RASA3: variants seen among roughly 807,000 people sequenced by gnomAD.
RASA3 encodes the protein RAS p21 protein activator 3, also known as ras GTPase-activating protein 3.
In RASA3, 73 loss-of-function variants were observed where a neutral mutation model predicts 110.0. That is an observed-to-expected ratio of 0.66 (90% confidence interval 0.55 to 0.81). The LOEUF (loss-of-function observed/expected upper bound fraction) is 0.81. Ranked by LOEUF, RASA3 falls within the 30% of genes least tolerant of loss-of-function variation. The pLI, the probability that RASA3 is intolerant of heterozygous loss-of-function variation, is 0.00. For synonymous variants in RASA3, 500 were observed against 451.4 expected (o/e 1.11, Z -1.37); for missense variants, 976 against 1,113.2 (o/e 0.88, Z 1.75).
At chr13:114,099,412 G>C (rs995985667) in intron 1 of RASA3, among the ~76,000 whole-genome samples, 5 of 151,866 alleles carry the variant, frequency 3.3e-5, no homozygotes, top group Non-Finnish European at 5.9e-5. Context: ...GTGCTGGGTC[G>C]GGGAGGGAGG....
chr13:114,045,194 A>C (rs1446138702), intron 3 of RASA3, among the ~76,000 whole-genome samples: 1 of 152,198 alleles, frequency 6.6e-6, no homozygotes, highest in Non-Finnish European at 1.5e-5. Context: ...GCCTGATCTA[A>C]AAGCCACGGC....
intron 4 of RASA3, among the ~76,000 whole-genome samples, chr13:114,039,586 T>C (rs893190407): frequency 3.9e-5 from 6 of 152,208 alleles, no homozygotes; most frequent in Non-Finnish European, 5.9e-5. Context: ...CCACGGTGCC[T>C]CTTGCTTGTG....
intron 18 of RASA3, among the ~76,000 whole-genome samples, chr13:114,002,133 G>A (rs1181391298): frequency 1.3e-5 from 2 of 152,254 alleles, no homozygotes; most frequent in African/African-American, 2.4e-5. Flanking sequence ...AGTGACTGGA[G>A]GACAGAGGTG....
intron 15 of RASA3, 59 bp downstream of exon 15, chr13:114,013,083 A>G: frequency 6.8e-7 from 1 of 1,474,600 alleles, no homozygotes; most frequent in Middle Eastern, 2.1e-4. Context: ...AGATGCCCCA[A>G]CCCAGGCCGG....
intron 4 of RASA3, among the ~76,000 whole-genome samples, chr13:114,039,640 C>G (rs1229024456): frequency 1.3e-5 from 2 of 152,246 alleles, no homozygotes; most frequent in Non-Finnish European, 1.5e-5. Context: ...CTCAGGGTGA[C>G]CCCACAGGAG....
intron 22 of RASA3, among the ~76,000 whole-genome samples, chr13:113,989,155 C>T (rs373233654): frequency 6.7e-6 from 1 of 148,226 alleles, no homozygotes; most frequent in African/African-American, 2.5e-5. Context: ...ACTCAACCCT[C>T]GGTCCATCCT....
At chr13:114,072,412 T>C (rs1411423750) in intron 2 of RASA3, among the ~76,000 whole-genome samples, 1 of 152,224 alleles carries the variant, frequency 6.6e-6, no homozygotes, top group Non-Finnish European at 1.5e-5. Flanking sequence ...CTGACTCCTC[T>C]CTTCCTCAAA....
chr13:114,088,225 A>C (rs2139705002), intron 1 of RASA3, among the ~76,000 whole-genome samples: 1 of 152,348 alleles, frequency 6.6e-6, no homozygotes, highest in African/African-American at 2.4e-5. Context: ...ATTAAGGAAT[A>C]ATATTTTGGA....
rs1055989558 is a variant in RASA3 at position 114,004,972 on chromosome 13, C to T, written c.1742+2561G>A. On this transcript the variant is annotated intron_variant, in intron 18 of 23. Transcript: ENST00000334062. Reference sequence around the variant, plus strand: ...AAGGAAATCTTATGTTTTCCAGCAACGTGAACGGAACTAGAGGTTGTTATC... The same window carrying T: ...AAGGAAATCTTATGTTTTCCAGCAATGTGAACGGAACTAGAGGTTGTTATC... 1.2e-4 allele frequency among the ~76,000 whole-genome samples: 18 copies of T among 152,184 alleles called. 1 individual carries two copies. Among genetic ancestry groups the T allele is most frequent in the Admixed American group, 9.8e-4 (15 of 15,280 alleles).
In RASA3 at chr13:114,009,502, G is replaced by A. The variant is rs779685557; in HGVS notation, c.1591-38C>T. The A allele has an allele frequency of 2.2e-6, 3 of 1,394,278 alleles. No individual in the cohort carries two copies. In the South Asian group the frequency reaches 3.5e-5, roughly 16 times the overall value. 86.4% of individuals were successfully genotyped at this position (1,394,278 alleles called of 1,614,324 possible). On this transcript the variant is annotated intron_variant, in intron 16 of 23. Coordinates refer to ENST00000334062, the MANE Select transcript of RASA3 (RefSeq NM_007368.4). ...GGAGATCACTCGAGGACAGCCCGAA[G>A]TACCTCGGCTCACGGCCCAAATCTG...
intron 1 of RASA3, among the ~76,000 whole-genome samples, chr13:114,131,128 C>G (rs1434907702): frequency 2.6e-5 from 4 of 152,248 alleles, no homozygotes; most frequent in African/African-American, 7.2e-5. Context: ...AATATCAAGA[C>G]AGTGTCTCAG....
At chr13:114,075,404 G>A (rs1049524790) in intron 1 of RASA3, among the ~76,000 whole-genome samples, 3 of 152,244 alleles carry the variant, frequency 2.0e-5, no homozygotes, top group Non-Finnish European at 2.9e-5. Flanking sequence ...ATTAACCTGA[G>A]GCACTGTGAG....
chr13:114,102,872 C>T lies in RASA3; in HGVS notation c.56-29035G>A, dbSNP rs543413111. On this transcript the variant is annotated intron_variant, in intron 1 of 23. Coordinates refer to ENST00000334062, the MANE Select transcript of RASA3 (RefSeq NM_007368.4). Reference sequence around the variant, plus strand: ...AAGACCAAGTCGTCTGTATAATCGCCGTGGGCGCAGCCGGCAGTGCCACCC... The same window carrying T: ...AAGACCAAGTCGTCTGTATAATCGCTGTGGGCGCAGCCGGCAGTGCCACCC... Among the ~76,000 whole-genome samples, 185 of 152,292 alleles carry T rather than the reference C, an allele frequency of 1.2e-3. 1 individual carries two copies. Among genetic ancestry groups the T allele is most frequent in the African/African-American group, 4.3e-3 (178 of 41,544 alleles).
At chr13:114,061,053 C>T (rs1293796716) in intron 2 of RASA3, among the ~76,000 whole-genome samples, 1 of 150,756 alleles carries the variant, frequency 6.6e-6, no homozygotes, top group Non-Finnish European at 1.5e-5. Context: ...GGGCACTGCA[C>T]ACAGAGACAT....
intron 2 of RASA3, among the ~76,000 whole-genome samples, chr13:114,068,438 A>T (rs1388993939): frequency 6.6e-6 from 1 of 152,258 alleles, no homozygotes; most frequent in Non-Finnish European, 1.5e-5. Context: ...GGAAATGAGG[A>T]CACGACACTT....
At chr13:114,077,023 ATTTAGCTGT>A (rs1369573242) in intron 1 of RASA3, among the ~76,000 whole-genome samples, 2 of 151,246 alleles carry the variant, frequency 1.3e-5, no homozygotes, top group African/African-American at 2.4e-5. Context: ...GAGTGTAGAT[ATTTAGCTGT>A]AAGTTCCTGT....
chr13:114,058,017 C>T (rs1328645986), intron 2 of RASA3, among the ~76,000 whole-genome samples: 1 of 152,124 alleles, frequency 6.6e-6, no homozygotes, highest in Non-Finnish European at 1.5e-5. Flanking sequence ...CAGGTCACTT[C>T]CCCAGGTGTG....
chr13:114,027,294 AG>A (rs2054043856), intron 7 of RASA3, 94 bp downstream of exon 7: 1 of 1,105,580 alleles, frequency 9.0e-7, no homozygotes, highest in Admixed American at 2.1e-5. Context: ...GAACTTCCAG[AG>A]GGAAGAGACT....
chr13:114,102,675 A>G (rs533601785), intron 1 of RASA3, among the ~76,000 whole-genome samples: 1 of 152,298 alleles, frequency 6.6e-6, no homozygotes, highest in East Asian at 1.9e-4. Flanking sequence ...GCAGCCCACC[A>G]GGTGGTGTCA....
Sources: allele counts gnomAD v4.1 joint callset (sites outside exome capture counted in the v4.1 genomes callset), GRCh38; gene constraint gnomAD v4.1.1; transcripts MANE v1.5; gene names NCBI Gene and HGNC (gene_info 2026-07-23, HGNC 2026-07-21).